The following LIMK2 variants were observed in gnomAD, a reference collection of about 807,000 sequenced individuals.
LIMK2 encodes the protein LIM domain kinase 2.
LIMK2 carries 35 observed loss-of-function variants against 75.7 expected under a neutral mutation model. That is an observed-to-expected ratio of 0.46 (90% CI 0.35 to 0.61). The LOEUF (loss-of-function observed/expected upper bound fraction) is 0.61. Ranked by LOEUF, LIMK2 falls within the 20% of genes least tolerant of loss-of-function variation. The probability of loss-of-function intolerance (pLI) is 0.00; values close to 1 mark genes in which losing one functional copy is unlikely to be tolerated. For synonymous variants in LIMK2, 301 were observed against 319.2 expected (o/e 0.94, Z 0.61); for missense variants, 623 against 831.0 (o/e 0.75, Z 3.08).
intron 2 of LIMK2, among the ~76,000 whole-genome samples, chr22:31,251,406 CTT>C: frequency 6.6e-6 from 1 of 152,292 alleles, no homozygotes; most frequent in South Asian, 2.1e-4. Flanking sequence ...CTCTGGGACT[CTT>C]TTCCTTATCT....
chr22:31,248,882 G>T (rs1480824107), intron 2 of LIMK2: 1 of 1,144,536 alleles, frequency 8.7e-7, no homozygotes, highest in African/African-American at 1.5e-5. Flanking sequence ...GTTCTGCCGG[G>T]CAGAAGCCAG....
Position 31,275,145 on chromosome 22 carries a change from C to T in LIMK2, c.1615-6C>T. 1 of 1,614,142 alleles carries T rather than the reference C, an allele frequency of 6.2e-7. No homozygotes were observed. Among genetic ancestry groups the T allele is most frequent in the African/African-American group, 1.3e-5 (1 of 75,040 alleles). On this transcript the variant is annotated splice_polypyrimidine_tract_variant and splice_region_variant and intron_variant, in intron 14 of 15. Transcript: ENST00000331728. ...CTTTGTAAACAGCTGTCTTCTTACC[C>T]TACAGATCATTGGGCAGGTGTATGC... is the stretch of plus-strand genomic sequence containing the variant.
intron 2 of LIMK2, 129 bp downstream of exon 2, chr22:31,225,948 A>T: frequency 1.4e-6 from 1 of 733,336 alleles, no homozygotes. Context: ...AAAGGAATGT[A>T]CCAAGGAAGA....
chr22:31,254,660 A>G (rs1164964128), intron 2 of LIMK2, among the ~76,000 whole-genome samples: 3 of 152,192 alleles, frequency 2.0e-5, no homozygotes, highest in African/African-American at 7.2e-5. Flanking sequence ...TCAGAACCAC[A>G]TTTAATCCTC....
rs2049069328 is a variant in LIMK2, at chr22:31,279,888, G to A, written c.*1447G>A. 6.6e-6 allele frequency: 1 copy of A among 152,222 alleles called. No individual in the cohort carries two copies. The highest frequency in any genetic ancestry group is 1.5e-5 in the Non-Finnish European group (1 of 68,060). The allele number at this position is 152,222 out of a possible 1,614,324, so 9.4% of individuals were successfully genotyped here. A position where few individuals can be genotyped will look rare whatever the true frequency, so the allele number is the denominator to read the frequency against. On this transcript the variant is annotated 3_prime_UTR_variant, in exon 16 of 16. Coordinates refer to ENST00000331728, the MANE Select transcript of LIMK2 (RefSeq NM_005569.4). ...TGTCATCTCTGGTCAGAGTTTACTT[G>A]CTATATAGACTGTACTTATGTGTGA...
At chr22:31,257,673 T>C (rs2048797928) in intron 2 of LIMK2, among the ~76,000 whole-genome samples, 1 of 152,212 alleles carries the variant, frequency 6.6e-6, no homozygotes, top group Non-Finnish European at 1.5e-5. Flanking sequence ...TCTAGGGTTT[T>C]TAAAATCTGT....
chr22:31,251,849 T>A (rs908782357), intron 2 of LIMK2, among the ~76,000 whole-genome samples: 2 of 152,132 alleles, frequency 1.3e-5, no homozygotes, highest in Non-Finnish European at 1.5e-5. Flanking sequence ...GCATCCCCAG[T>A]TGTGGTGCTC....
chr22:31,254,714 T>G (rs1402800269), intron 2 of LIMK2, among the ~76,000 whole-genome samples: 2 of 152,170 alleles, frequency 1.3e-5, no homozygotes, highest in African/African-American at 4.8e-5. Context: ...ATCGCAGCAC[T>G]TCGGGAGGCC....
intron 1 of LIMK2, among the ~76,000 whole-genome samples, chr22:31,218,075 C>T (rs556005377): frequency 1.3e-5 from 2 of 152,246 alleles, no homozygotes; most frequent in Admixed American, 6.5e-5. Flanking sequence ...TAGATACACA[C>T]GCAGGAAGGA....
chr22:31,262,252 T>G lies in LIMK2; in HGVS notation c.657+13T>G, dbSNP rs200700695. 5.7e-6 allele frequency: 9 copies of G among 1,578,494 alleles called. No individual in the cohort carries two copies. Among genetic ancestry groups the G allele is most frequent in the Admixed American group, 1.7e-5 (1 of 59,976 alleles). On this transcript the variant is annotated intron_variant, in intron 6 of 15. Coordinates refer to ENST00000331728, the MANE Select transcript of LIMK2 (RefSeq NM_005569.4). This position sits in a 1 kb window ranked among gnomAD's most constrained non-coding sequence, Gnocchi z 5.0. ...TCGAGTGGAGGAGGTAGAGTGTGTG[T>G]CTAATCTGTCTTGTGAGGGTGGGAC...
chr22:31,253,026 A>G (rs2048741350), intron 2 of LIMK2, among the ~76,000 whole-genome samples: 2 of 152,002 alleles, frequency 1.3e-5, no homozygotes, highest in Admixed American at 1.3e-4. Context: ...TGAACTGACC[A>G]TCAGGGTTCC....
At chr22:31,257,040 ATTTTTTTTTTTTTTTT>A (rs529919320) in intron 2 of LIMK2, among the ~76,000 whole-genome samples, 8 of 75,080 alleles carry the variant, frequency 1.1e-4, no homozygotes, top group South Asian at 1.5e-3. Context: ...GGAGCTATAG[ATTTTTTTTTTTTTTTT>A]TTTTTTTTTT....
intron 9 of LIMK2, among the ~76,000 whole-genome samples, chr22:31,267,384 C>T (rs2048906440): frequency 6.6e-6 from 1 of 152,160 alleles, no homozygotes; most frequent in Admixed American, 6.5e-5. Context: ...TGTTATAATC[C>T]TCACCTGAAC....
intron 2 of LIMK2, among the ~76,000 whole-genome samples, chr22:31,234,768 C>T (rs1006585532): frequency 6.6e-6 from 1 of 151,614 alleles, no homozygotes; most frequent in African/African-American, 2.4e-5. Context: ...TACAGTAGAG[C>T]CCTCCGTAAT....
rs1041505242 is a variant in LIMK2 at position 31,278,599 on chromosome 22, G to T, written c.*158G>T. ...CTATTACCTCCCCAGGAGGCAAGTG[G>T]GCGCAGCACCAGGGAAATGTATCTC... On this transcript the variant is annotated 3_prime_UTR_variant, in exon 16 of 16. Transcript: ENST00000331728. The T allele has an allele frequency of 7.9e-6, 5 of 633,248 alleles. No individual in the cohort carries two copies. Among genetic ancestry groups the T allele is most frequent in the Non-Finnish European group, 1.2e-5 (5 of 401,256 alleles). The allele number at this position is 633,248 out of a possible 1,614,324, so 39.2% of individuals were successfully genotyped here. A position where few individuals can be genotyped will look rare whatever the true frequency, so the allele number is the denominator to read the frequency against.
chr22:31,240,873 C>T (rs2048618715), intron 2 of LIMK2, among the ~76,000 whole-genome samples: 1 of 152,140 alleles, frequency 6.6e-6, no homozygotes, highest in Admixed American at 6.5e-5. Context: ...TGTCAATCAC[C>T]AAACATTTAT....
chr22:31,260,107 G>C, intron 5 of LIMK2, 30 bp downstream of exon 5: 1 of 1,516,322 alleles, frequency 6.6e-7, no homozygotes, highest in Non-Finnish European at 8.8e-7. Context: ...TTCAGCAGGG[G>C]TTCTTGAGCA....
chr22:31,240,718 G>A (rs1394486045), intron 2 of LIMK2, among the ~76,000 whole-genome samples: 2 of 152,032 alleles, frequency 1.3e-5, no homozygotes, highest in African/African-American at 2.4e-5. Context: ...CACCGCGCCT[G>A]GCCTAGAATC....
chr22:31,275,221 TTTTCTGGGAGAAG>T lies in LIMK2; in HGVS notation c.1689_1701del (p.Phe563LeufsTer60), dbSNP rs1202140909. ...CTGGACTTTGGCCTCAACGTGAAGC[TTTTCTGGGAGAAG>T]TTTGTTCCCACAGATTGTCCCCCGG... On this transcript the variant is annotated frameshift_variant, in exon 15 of 16. Coordinates refer to ENST00000331728, the MANE Select transcript of LIMK2 (RefSeq NM_005569.4). LOFTEE classifies it high-confidence loss of function. 1.9e-6 allele frequency: 3 copies of T among 1,614,222 alleles called. No homozygotes were observed. The highest frequency in any genetic ancestry group is 8.5e-7 in the Non-Finnish European group (1 of 1,180,042).
Sources: allele counts gnomAD v4.1 joint callset (sites outside exome capture counted in the v4.1 genomes callset), GRCh38; gene constraint gnomAD v4.1.1; non-coding constraint Gnocchi (gnomAD v3.1); transcripts MANE v1.5; gene names NCBI Gene and HGNC (gene_info 2026-07-23, HGNC 2026-07-21).